LAMC2: variants seen among roughly 807,000 people sequenced by gnomAD.
LAMC2 encodes the protein laminin subunit gamma 2.
LAMC2 carries 97 observed loss-of-function variants against 140.2 expected under a neutral mutation model. The ratio of observed to expected loss-of-function variants is 0.69; its 90% CI spans 0.59 to 0.82. The LOEUF is 0.82. Among genes scored for constraint, LAMC2 ranks in the 40% least tolerant of loss-of-function variants. LAMC2 has a pLI of 0.00. For synonymous variants in LAMC2, 513 were observed against 540.2 expected, an observed-to-expected ratio of 0.95 and a Z score of 0.70; for missense variants, 1,402 against 1,476.1, an observed-to-expected ratio of 0.95 and a Z score of 0.82.
chr1:183,251,498 T>A, the LAMC2 span: 1 of 152,104 alleles, frequency 6.6e-6, no homozygotes, highest in Non-Finnish European at 1.5e-5. Context: ...ACTCCTAGTG[T>A]TTTTTTGTTT....
intron 2 of LAMC2, 103 bp downstream of exon 2, chr1:183,208,172 A>G: frequency 8.8e-7 from 1 of 1,132,000 alleles, no homozygotes; most frequent in Non-Finnish European, 1.3e-6. Context: ...CAACGGAGGA[A>G]AAAGAAAGAA....
chr1:183,242,675 C>A (rs533008379), intron 22 of LAMC2, among the ~76,000 whole-genome samples: 1 of 152,274 alleles, frequency 6.6e-6, no homozygotes, highest in Admixed American at 6.5e-5. Flanking sequence ...GCCTCTATAA[C>A]CCTGAAGCTC....
In LAMC2 at chr1:183,232,239, C is replaced by T; in HGVS notation, c.1910C>T (p.Ala637Val). 6.2e-7 allele frequency: 1 copy of T among 1,613,956 alleles called. No individual in the cohort carries two copies. Among genetic ancestry groups the T allele is most frequent in the South Asian group, 1.1e-5 (1 of 91,064 alleles). ...LQRMEALISKAQGGDGVVPDT... is the reference protein window; with the variant it reads ...LQRMEALISKVQGGDGVVPDT... ...AGAATGGAGGCCCTGATTTCAAAGGCTCAGGGTGGTGATGGAGTAGTACCT... is the reference window on the plus strand; with the variant it reads ...AGAATGGAGGCCCTGATTTCAAAGGTTCAGGGTGGTGATGGAGTAGTACCT... The change falls in exon 13 of 23, where the codon GCT becomes GTT. Residue 637 changes from alanine to valine, a missense_variant. Ala to Val is a moderately conservative substitution (Grantham distance 64). Coordinates refer to ENST00000264144, the MANE Select transcript of LAMC2 (RefSeq NM_005562.3).
chr1:183,208,167 G>A (rs1173489193), intron 2 of LAMC2, 98 bp downstream of exon 2: 1 of 1,182,696 alleles, frequency 8.5e-7, no homozygotes, highest in Non-Finnish European at 1.3e-6. Flanking sequence ...GGGAACAACG[G>A]AGGAAAAAGA....
intron 14 of LAMC2, 34 bp downstream of exon 14, chr1:183,232,891 C>G (rs1659845336): frequency 1.9e-6 from 3 of 1,598,372 alleles, no homozygotes; most frequent in African/African-American, 2.7e-5. Context: ...ATTGAGAATA[C>G]TGCTGTGTTG....
At chr1:183,188,559 G>A (rs187287693) in intron 1 of LAMC2, among the ~76,000 whole-genome samples, 52 of 152,348 alleles carry the variant, frequency 3.4e-4, no homozygotes, top group Admixed American at 4.6e-4. Context: ...AATACTTGGT[G>A]TCTGCTTCTT....
Position 183,227,629 on chromosome 1 carries a change from G to A in LAMC2, c.1400G>A (p.Gly467Glu), listed in dbSNP as rs1659667725. The A allele has an allele frequency of 6.2e-7, 1 of 1,614,152 alleles. No homozygotes were observed. The highest frequency in any genetic ancestry group is 8.5e-7 in the Non-Finnish European group (1 of 1,180,040). The change falls in exon 10 of 23, where the codon GGG becomes GAG. Residue 467 changes from glycine (G) to glutamate (E), a missense_variant. Coordinates refer to ENST00000264144, the MANE Select transcript of LAMC2 (RefSeq NM_005562.3). Reference protein sequence around the residue: ...RSCKPCPCHNGFSCSVMPETE... With the variant: ...RSCKPCPCHNEFSCSVMPETE... ...TGCAAGCCATGTCCCTGTCATAACG[G>A]GTTCAGCTGCTCAGTGATGCCGGAG...
chr1:183,186,297 G>A lies in LAMC2; in HGVS notation c.-56G>A. The stretch of plus-strand genomic sequence containing the variant: ...GCGCAGAGTGAGAACCACCAACCGA[G>A]GCGCCGGGCAGCGACCCCTGCAGCG... On this transcript the variant is annotated 5_prime_UTR_variant, in exon 1 of 23. Coordinates refer to ENST00000264144, the MANE Select transcript of LAMC2 (RefSeq NM_005562.3). 1.3e-6 allele frequency: 2 copies of A among 1,544,932 alleles called. No individual in the cohort carries two copies. Among genetic ancestry groups the A allele is most frequent in the Non-Finnish European group, 1.7e-6 (2 of 1,150,680 alleles).
In LAMC2 at chr1:183,223,323, A is replaced by G. The variant is rs1260848640; in HGVS notation, c.952A>G (p.Arg318Gly). ...TGGGCTCACCAAGACTTACACATTC[A>G]GGTAAAAAGAGAGACCATAAGTAGG... ...PCGLTKTYTF[R>G]LNEHPSNNWS... Residue 318 changes from arginine (R) to glycine (G), a missense_variant and splice_region_variant, in exon 7 of 23, where the codon AGG becomes GGG. By Grantham distance (125) the Arg-to-Gly change is moderately radical. Transcript: ENST00000264144. The G allele has an allele frequency of 1.9e-6, 3 of 1,613,966 alleles. No homozygotes were observed. Among genetic ancestry groups the G allele is most frequent in the African/African-American group, 1.3e-5 (1 of 74,936 alleles).
At position 183,244,151 on chromosome 1, in the gene LAMC2, G is replaced by T. The variant is rs1446988146; in HGVS notation, c.*751G>T. ...TTCCTACCAGCAAAGCAAATGTTGG[G>T]AAAGTATTTACTTTTTCGGTTTCAA... On this transcript the variant is annotated 3_prime_UTR_variant, in exon 23 of 23. Transcript: ENST00000264144. 1 of 152,248 alleles carries T rather than the reference G, an allele frequency of 6.6e-6. No homozygotes were observed. Among genetic ancestry groups the T allele is most frequent in the African/African-American group, 2.4e-5 (1 of 41,462 alleles). The allele number at this position is 152,248 out of a possible 1,614,324, so 9.4% of individuals were successfully genotyped here.
intron 2 of LAMC2, among the ~76,000 whole-genome samples, chr1:183,213,053 C>G (rs10911279): frequency 0.22 from 34,058 of 152,220 alleles, 4,099 homozygotes; most frequent in East Asian, 0.37. Flanking sequence ...GCAGACTGCT[C>G]TAGAGTTCTC....
intron 1 of LAMC2, among the ~76,000 whole-genome samples, chr1:183,197,451 A>G (rs1256705985): frequency 1.3e-5 from 2 of 152,102 alleles, no homozygotes; most frequent in Non-Finnish European, 2.9e-5. Context: ...GAGGTGGGCA[A>G]ATCACTTGAG....
chr1:183,239,341 GT>G, intron 19 of LAMC2, 22 bp from the exon 20 acceptor site: 1 of 1,612,770 alleles, frequency 6.2e-7, no homozygotes, highest in Non-Finnish European at 8.5e-7. Context: ...CTTCACGGCA[GT>G]TTTTTCTTTT....
intron 2 of LAMC2, among the ~76,000 whole-genome samples, chr1:183,213,538 AT>A (rs1196514530): frequency 6.6e-6 from 1 of 152,216 alleles, no homozygotes; most frequent in Non-Finnish European, 1.5e-5. Flanking sequence ...GCCCTGGGTC[AT>A]GCCTATAATC....
intron 4 of LAMC2, among the ~76,000 whole-genome samples, chr1:183,219,782 C>G (rs921709484): frequency 6.6e-6 from 1 of 152,148 alleles, no homozygotes; most frequent in Non-Finnish European, 1.5e-5. Context: ...TCACAGCTAC[C>G]CTGCTTTTCT....
chr1:183,241,789 AAAAAACAAAACAAAG>A (rs1660142416), intron 22 of LAMC2, among the ~76,000 whole-genome samples: 2 of 152,094 alleles, frequency 1.3e-5, no homozygotes, highest in African/African-American at 4.8e-5. Context: ...AAAAAAAAGG[AAAAAACAAAACAAAG>A]GAAAACAAAA....
intron 4 of LAMC2, 109 bp from the exon 5 acceptor site, chr1:183,220,716 T>C: frequency 8.4e-7 from 1 of 1,185,744 alleles, no homozygotes; most frequent in South Asian, 1.3e-5. Context: ...CTCTGAAAAT[T>C]AATAGGGCCA....
chr1:183,207,795 C>T, intron 1 of LAMC2, 86 bp from the exon 2 acceptor site: 1 of 1,149,940 alleles, frequency 8.7e-7, no homozygotes, highest in South Asian at 1.3e-5. Context: ...TAATTTCTAT[C>T]AATAATAACA....
intron 6 of LAMC2, 72 bp downstream of exon 6, chr1:183,222,283 TA>T: frequency 6.5e-7 from 1 of 1,540,844 alleles, no homozygotes; most frequent in Non-Finnish European, 9.0e-7. Context: ...GAAATTGAGT[TA>T]GAAATTGTGG....
Sources: allele counts gnomAD v4.1 joint callset (sites outside exome capture counted in the v4.1 genomes callset), GRCh38; gene constraint gnomAD v4.1.1; transcripts MANE v1.5; gene names NCBI Gene and HGNC (gene_info 2026-07-23, HGNC 2026-07-21).